The following SFI1 variants were observed in gnomAD, a reference collection of about 807,000 sequenced individuals.
SFI1 encodes the protein SFI1 centrin binding protein.
SFI1 carries 195 observed loss-of-function variants against 207.5 expected under a neutral mutation model. The observed-to-expected ratio is 0.94, with a 90% CI of 0.84 to 1.06. SFI1 has a LOEUF of 1.06. Among genes scored for constraint, SFI1 ranks in the 50% least tolerant of loss-of-function variants. The pLI, the probability that SFI1 is intolerant of heterozygous loss-of-function variation, is 0.00. For missense variants in SFI1, 1,634 were observed against 1,588.0 expected (o/e 1.03, Z -0.49); for synonymous variants, 630 against 598.9 (o/e 1.05, Z -0.76).
intron 6 of SFI1, among the ~76,000 whole-genome samples, chr22:31,554,466 G>T (rs901839339): frequency 6.6e-6 from 1 of 151,782 alleles, no homozygotes; most frequent in African/African-American, 2.4e-5. Context: ...CCACCACCCC[G>T]CCCGGCTAAT....
At chr22:31,578,967 G>A (rs940041991) in intron 11 of SFI1, among the ~76,000 whole-genome samples, 1 of 152,142 alleles carries the variant, frequency 6.6e-6, no homozygotes, top group Non-Finnish European at 1.5e-5. Flanking sequence ...GGGCAAATCA[G>A]CTTTGCTTAG....
intron 2 of SFI1, among the ~76,000 whole-genome samples, chr22:31,523,218 C>T (rs183494488): frequency 5.3e-5 from 8 of 152,126 alleles, no homozygotes; most frequent in African/African-American, 1.9e-4. Flanking sequence ...CCTTCACATT[C>T]CTTCTACTGC....
At chr22:31,603,522 A>C (rs148539317) in intron 17 of SFI1, among the ~76,000 whole-genome samples, 1 of 152,330 alleles carries the variant, frequency 6.6e-6, no homozygotes, top group African/African-American at 2.4e-5. Context: ...ACACCTGCAC[A>C]TGTGAGCTTC....
intron 2 of SFI1, among the ~76,000 whole-genome samples, chr22:31,515,733 CTT>C (rs71818558): frequency 1.4e-5 from 2 of 140,488 alleles, no homozygotes; most frequent in South Asian, 2.3e-4. Flanking sequence ...GGCTTAGTAC[CTT>C]TTTTTTTTTT....
At chr22:31,504,985 G>A (rs2054393773) in intron 1 of SFI1, among the ~76,000 whole-genome samples, 1 of 152,080 alleles carries the variant, frequency 6.6e-6, no homozygotes, top group South Asian at 2.1e-4. Context: ...CAGGGGTGAG[G>A]ATTTCAGCAA....
At chr22:31,603,907 C>G in intron 18 of SFI1, 88 bp downstream of exon 18, 1 of 1,182,970 alleles carries the variant, frequency 8.5e-7, no homozygotes, top group Non-Finnish European at 1.2e-6. Flanking sequence ...ACATATGGGC[C>G]ACACCACCTA....
At position 31,575,315 on chromosome 22, in the gene SFI1, T is replaced by C; in HGVS notation, c.1007T>C (p.Leu336Ser). 1 of 1,613,414 alleles carries C rather than the reference T, an allele frequency of 6.2e-7. No individual in the cohort carries two copies. The highest frequency in any genetic ancestry group is 8.5e-7 in the Non-Finnish European group (1 of 1,179,762). ...CAGGCCTGGGAGCGGAGGGAGAGCTTGTACGCTCACCATGCCCAGGTGGAG... is the reference window on the plus strand; with the variant it reads ...CAGGCCTGGGAGCGGAGGGAGAGCTCGTACGCTCACCATGCCCAGGTGGAG... ...WQQAWERRES[L>S]YAHHAQVEKL... Residue 336 changes from leucine to serine, a missense_variant, in exon 10 of 33, where the codon TTG becomes TCG. By Grantham distance (145) the Leu-to-Ser change is moderately radical. Transcript: ENST00000400288.
chr22:31,535,776 C>T (rs755110194), intron 4 of SFI1, among the ~76,000 whole-genome samples: 2 of 152,102 alleles, frequency 1.3e-5, no homozygotes, highest in East Asian at 1.9e-4. Flanking sequence ...GACGAGGTCT[C>T]GCTGTATTGC....
intron 5 of SFI1, 86 bp downstream of exon 5, chr22:31,547,057 C>A (rs1324984692): frequency 2.9e-6 from 3 of 1,020,922 alleles, no homozygotes; most frequent in East Asian, 2.6e-5. Flanking sequence ...TCAAAAGAAG[C>A]AAACTTTGGG....
At chr22:31,608,757 C>T (rs953923874) in intron 22 of SFI1, among the ~76,000 whole-genome samples, 1 of 152,210 alleles carries the variant, frequency 6.6e-6, no homozygotes, top group South Asian at 2.1e-4. Context: ...TAGCGTCCTG[C>T]TTCCTTGTGT....
intron 5 of SFI1, among the ~76,000 whole-genome samples, chr22:31,549,689 T>A (rs957705197): frequency 6.6e-6 from 1 of 152,074 alleles, no homozygotes; most frequent in African/African-American, 2.4e-5. Context: ...TTGTGGATGA[T>A]GAAAGTGAAC....
At position 31,545,081 on chromosome 22, in the gene SFI1, G is replaced by C. The variant is rs78926500; in HGVS notation, c.339-1780G>C. 6.2e-3 allele frequency among the ~76,000 whole-genome samples: 945 copies of C among 152,136 alleles called. 8 individuals are homozygous for C. The highest frequency in any genetic ancestry group is 0.01 in the Non-Finnish European group (706 of 67,986). On this transcript the variant is annotated intron_variant, in intron 4 of 32. Coordinates refer to ENST00000400288, the MANE Select transcript of SFI1 (RefSeq NM_001007467.3). ...TACTTGGCTAACTAAAAAAATTTAG[G>C]GGGGGCTGGATGTGGTGATTCAGGC...
In SFI1 at chr22:31,537,805, T is replaced by G. The variant is rs759999197; in HGVS notation, c.338+6676T>G. 4.5e-4 allele frequency among the ~76,000 whole-genome samples: 69 copies of G among 152,200 alleles called. 1 individual carries two copies. Among genetic ancestry groups the G allele is most frequent in the Non-Finnish European group, 8.4e-4 (57 of 68,044 alleles). On this transcript the variant is annotated intron_variant, in intron 4 of 32. Coordinates refer to ENST00000400288, the MANE Select transcript of SFI1 (RefSeq NM_001007467.3). ...AATCTGTTAAAATCAAGTAGGTTCT[T>G]TGTTACTTGGGGGAACATTGGGCAT...
At chr22:31,560,024 CTGTA>C in intron 7 of SFI1, 1 of 311,406 alleles carries the variant, frequency 3.2e-6, no homozygotes, top group Non-Finnish European at 6.2e-6. Flanking sequence ...GTTATTGGTA[CTGTA>C]TTGATGCTGG....
At chr22:31,498,430 G>A (rs1197194782) in intron 1 of SFI1, among the ~76,000 whole-genome samples, 1 of 151,850 alleles carries the variant, frequency 6.6e-6, no homozygotes, top group Non-Finnish European at 1.5e-5. Context: ...CATGATTTGT[G>A]GGAAGGGGTT....
intron 8 of SFI1, among the ~76,000 whole-genome samples, chr22:31,567,474 C>A: frequency 6.6e-6 from 1 of 151,866 alleles, no homozygotes; most frequent in East Asian, 1.9e-4. Context: ...CATGATTATA[C>A]CTACCTCTTA....
chr22:31,594,999 TTA>T (rs1312541304), intron 15 of SFI1, among the ~76,000 whole-genome samples: 1 of 151,938 alleles, frequency 6.6e-6, no homozygotes, highest in Non-Finnish European at 1.5e-5. Context: ...ATTTATTTAT[TTA>T]TTTATTTATT....
chr22:31,560,928 C>T (rs979015909), intron 7 of SFI1, among the ~76,000 whole-genome samples: 4 of 152,082 alleles, frequency 2.6e-5, no homozygotes, highest in Non-Finnish European at 5.9e-5. Flanking sequence ...TCTTTTAACT[C>T]CTGACCTCAG....
rs762465340 is a variant in SFI1, at chr22:31,561,356, T to C, written c.729T>C (p.Ser243=). The change falls in exon 8 of 33, where the codon TCT becomes TCC. Residue 243 remains serine (S), a synonymous_variant. Transcript: ENST00000400288. The part of the protein sequence containing the change: ...QVRVSRALHA[S]ALKHRALSLQ... Reference sequence around the variant, plus strand: ...GTGTGAGCCGTGCCCTCCATGCCTCTGCTTTGAAGCACAGGGCCCTGAGCC... The same window carrying C: ...GTGTGAGCCGTGCCCTCCATGCCTCCGCTTTGAAGCACAGGGCCCTGAGCC... 21 of 1,614,010 alleles carry C rather than the reference T, an allele frequency of 1.3e-5. No homozygotes were observed. In the South Asian group the frequency reaches 2.2e-4, roughly 17 times the overall value.
Sources: allele counts gnomAD v4.1 joint callset (sites outside exome capture counted in the v4.1 genomes callset), GRCh38; gene constraint gnomAD v4.1.1; transcripts MANE v1.5; gene names NCBI Gene and HGNC (gene_info 2026-07-23, HGNC 2026-07-21).